The following GORASP1 variants were observed in gnomAD, a reference collection of about 807,000 sequenced individuals.
GORASP1 encodes the protein golgi reassembly stacking protein 1.
In GORASP1, 31 loss-of-function variants were observed where a neutral mutation model predicts 37.7. The ratio of observed to expected loss-of-function variants is 0.82; its 90% CI spans 0.62 to 1.11. The LOEUF is 1.11. Ranked by LOEUF, GORASP1 falls within the 50% of genes least tolerant of loss-of-function variation. The probability of loss-of-function intolerance (pLI) is 0.00; values close to 1 mark genes in which losing one functional copy is unlikely to be tolerated. For missense variants in GORASP1, 476 were observed against 560.7 expected, an observed-to-expected ratio of 0.85 and a Z score of 1.53; for synonymous variants, 204 against 224.8, an observed-to-expected ratio of 0.91 and a Z score of 0.83.
rs747264414 is a variant in GORASP1 at position 39,100,266 on chromosome 3, GT to G, written c.765+38del. 1.7e-5 allele frequency: 27 copies of G among 1,590,250 alleles called. No homozygotes were observed. Among genetic ancestry groups the G allele is most frequent in the Non-Finnish European group, 2.3e-5 (27 of 1,158,646 alleles). ...TGGCTCCCCAAGGGCAGCCTCTAGA[GT>G]TTTCTGTCTTCCCAGTTGGCAGATT... On this transcript the variant is annotated intron_variant, in intron 6 of 8. Transcript: ENST00000319283. The surrounding 1 kb of genome is among the most constrained non-coding windows in gnomAD (Gnocchi z 4.6).
chr3:39,107,057 C>G (rs923533033), intron 1 of GORASP1: 5 of 462,346 alleles, frequency 1.1e-5, no homozygotes, highest in Non-Finnish European at 2.2e-5. Context: ...CCCCGGCCCC[C>G]GGGACTGTCC....
chr3:39,099,388 T>G lies in GORASP1; in HGVS notation c.881A>C (p.Gln294Pro). The change falls in exon 7 of 9, where the codon CAG becomes CCG. Residue 294 changes from glutamine to proline, a missense_variant. Gln to Pro is a moderately conservative substitution (Grantham distance 76). Transcript: ENST00000319283. ...AACTCGCTGCACTGGAGGTGGGGGC[T>G]GAAGAGGAGTCTCCATGAAATGGGG... ...GLPHFMETPL[Q>P]PPPPVQRVMD... 3 of 1,613,550 alleles carry G rather than the reference T, an allele frequency of 1.9e-6. No individual in the cohort carries two copies. Among genetic ancestry groups the G allele is most frequent in the Non-Finnish European group, 2.5e-6 (3 of 1,179,808 alleles).
At chr3:39,106,835 C>T in intron 1 of GORASP1, 1 of 281,906 alleles carries the variant, frequency 3.5e-6, no homozygotes, top group Non-Finnish European at 7.3e-6. Flanking sequence ...GCCTGCTCGC[C>T]CAGACCTCCA....
chr3:39,107,594 C>T lies in GORASP1; in HGVS notation c.-53G>A, dbSNP rs2036298320. The T allele has an allele frequency of 1.4e-6, 2 of 1,454,198 alleles. No homozygotes were observed. Among genetic ancestry groups the T allele is most frequent in the Non-Finnish European group, 1.8e-6 (2 of 1,098,698 alleles). 90.1% of individuals were successfully genotyped at this position (1,454,198 alleles called of 1,614,324 possible). A position where few individuals can be genotyped will look rare whatever the true frequency, so the allele number is the denominator to read the frequency against. On this transcript the variant is annotated 5_prime_UTR_variant, in exon 1 of 9. Transcript: ENST00000319283. ...CCAGTCCCGCTGCGCCTACCCGGAC[C>T]GACCCGACGCCAGTAGCACCGACTC...
Position 39,102,500 on chromosome 3 carries a change from G to T in GORASP1, c.348+178C>A, listed in dbSNP as rs894523041. 15 of 650,708 alleles carry T rather than the reference G, an allele frequency of 2.3e-5. No homozygotes were observed. The Admixed American group carries it at 3.1e-4, about 13-fold the overall frequency. 40.3% of individuals were successfully genotyped at this position (650,708 alleles called of 1,614,324 possible). A position where few individuals can be genotyped will look rare whatever the true frequency, so the allele number is the denominator to read the frequency against. Reference sequence around the variant, plus strand: ...AGATACACTGTTCAGGTAGTAATGAGCTGCCCTCTCTGGGACACTGGAATG... The same window carrying T: ...AGATACACTGTTCAGGTAGTAATGATCTGCCCTCTCTGGGACACTGGAATG... On this transcript the variant is annotated intron_variant, in intron 3 of 8. Transcript: ENST00000319283. The surrounding 1 kb of genome is among the most constrained non-coding windows in gnomAD (Gnocchi z 5.0).
At chr3:39,101,474 AAAAT>A (rs752505735) in intron 3 of GORASP1, 39 of 478,164 alleles carry the variant, frequency 8.2e-5, no homozygotes, top group South Asian at 1.6e-4. Flanking sequence ...GTTGCTGAGA[AAAAT>A]AAATAAATAT....
At chr3:39,101,346 C>G in intron 3 of GORASP1, 7 of 600,394 alleles carry the variant, frequency 1.2e-5, no homozygotes, top group Non-Finnish European at 3.0e-6. Flanking sequence ...GAATCTGACC[C>G]CGGGCTCAAC....
intron 1 of GORASP1, 47 bp downstream of exon 1, chr3:39,107,432 G>T: frequency 1.6e-6 from 2 of 1,235,252 alleles, no homozygotes; most frequent in Non-Finnish European, 1.0e-6. Flanking sequence ...CGGGCGCGGG[G>T]TTGCGGGCGC....
Position 39,098,632 on chromosome 3 carries a change from G to C in GORASP1, c.1069+109C>G. 1.3e-6 allele frequency: 2 copies of C among 1,505,642 alleles called. No individual in the cohort carries two copies. Among genetic ancestry groups the C allele is most frequent in the Non-Finnish European group, 1.8e-6 (2 of 1,111,410 alleles). 93.3% of individuals were successfully genotyped at this position (1,505,642 alleles called of 1,614,324 possible). On this transcript the variant is annotated intron_variant, in intron 8 of 8. Transcript: ENST00000319283. This position sits in a 1 kb window ranked among gnomAD's most constrained non-coding sequence, Gnocchi z 4.7. Reference sequence around the variant, plus strand: ...ATGGAGTGTACAAATGCCTTGGTGTGGCTGTATCAACCCGATGGCCCACTT... The same window carrying C: ...ATGGAGTGTACAAATGCCTTGGTGTCGCTGTATCAACCCGATGGCCCACTT...
chr3:39,102,492 AG>A lies in GORASP1; in HGVS notation c.348+185del. The A allele has an allele frequency of 3.2e-6, 2 of 633,980 alleles. No homozygotes were observed. The highest frequency in any genetic ancestry group is 5.7e-6 in the Non-Finnish European group (2 of 353,096). 39.3% of individuals were successfully genotyped at this position (633,980 alleles called of 1,614,324 possible). ...AGGAAGCAAGATACACTGTTCAGGT[AG>A]TAATGAGCTGCCCTCTCTGGGACAC... On this transcript the variant is annotated intron_variant, in intron 3 of 8. Coordinates refer to ENST00000319283, the MANE Select transcript of GORASP1 (RefSeq NM_031899.4). The surrounding 1 kb of genome is among the most constrained non-coding windows in gnomAD (Gnocchi z 5.0).
rs528927998 is a variant in GORASP1, at chr3:39,100,860, C to G, written c.453G>C (p.Thr151=). 2 of 1,614,146 alleles carry G rather than the reference C, an allele frequency of 1.2e-6. No individual in the cohort carries two copies. The highest frequency in any genetic ancestry group is 2.2e-5 in the East Asian group (1 of 44,868). The change falls in exon 5 of 9, where the codon ACG becomes ACC. Residue 151 remains threonine (T), a synonymous_variant. Coordinates refer to ENST00000319283, the MANE Select transcript of GORASP1 (RefSeq NM_031899.4). The surrounding 1 kb of genome is among the most constrained non-coding windows in gnomAD (Gnocchi z 4.6). ...GCTTCCCCTCATGAGACTCGATGAG[C>G]GTAAAGAAGTCCTCGGACTGTGAGA... is the stretch of plus-strand genomic sequence containing the variant. ...QILQESEDFF[T]LIESHEGKPL...
rs1224612790 is a variant in GORASP1, at chr3:39,100,121, C to T, written c.765+184G>A. Among the ~76,000 whole-genome samples the T allele has an allele frequency of 6.6e-6, 1 of 152,252 alleles. No individual in the cohort carries two copies. The highest frequency in any genetic ancestry group is 1.9e-4 in the East Asian group (1 of 5,206). On this transcript the variant is annotated intron_variant, in intron 6 of 8. Transcript: ENST00000319283. The surrounding 1 kb of genome is among the most constrained non-coding windows in gnomAD (Gnocchi z 4.6). ...TCACCTCCACCCTCACTTCTAGACC[C>T]AAGGGGCAGGAAAGCCAAAAGTGAG...
At chr3:39,101,716 G>A (rs979279425) in intron 3 of GORASP1, 2 of 364,514 alleles carry the variant, frequency 5.5e-6, no homozygotes, top group African/African-American at 2.1e-5. Flanking sequence ...TCCCTCATGG[G>A]CAGATTAAGG....
In GORASP1 at chr3:39,098,179, C is replaced by G; in HGVS notation, c.*57G>C. 1 of 1,579,910 alleles carries G rather than the reference C, an allele frequency of 6.3e-7. No homozygotes were observed. The highest frequency in any genetic ancestry group is 8.6e-7 in the Non-Finnish European group (1 of 1,161,776). On this transcript the variant is annotated 3_prime_UTR_variant, in exon 9 of 9. Coordinates refer to ENST00000319283, the MANE Select transcript of GORASP1 (RefSeq NM_031899.4). This position sits in a 1 kb window ranked among gnomAD's most constrained non-coding sequence, Gnocchi z 4.7. The stretch of plus-strand genomic sequence containing the variant: ...GACCGCATAGTGCAGCCCGGGCTGC[C>G]TGCCCACATCTGGGCCTCATGAAAT...
rs1207378101 is a variant in GORASP1 at position 39,098,317 on chromosome 3, T to C, written c.1242A>G (p.Glu414=). 1.2e-6 allele frequency: 2 copies of C among 1,614,182 alleles called. No individual in the cohort carries two copies. Among genetic ancestry groups the C allele is most frequent in the South Asian group, 1.1e-5 (1 of 91,088 alleles). The stretch of plus-strand genomic sequence containing the variant: ...TATCTAGGCCCTCTGTGCTTGCTGG[T>C]TCCTCCTCAGCCTGAGCTTCAAGCA... The part of the protein sequence containing the change: ...AELLEAQAEE[E]PASTEGLDTG... The change falls in exon 9 of 9, where the codon GAA becomes GAG. Residue 414 remains glutamate, a synonymous_variant. Transcript: ENST00000319283. This position sits in a 1 kb window ranked among gnomAD's most constrained non-coding sequence, Gnocchi z 4.7.
rs147772952 is a variant in GORASP1, at chr3:39,097,588, T to C, written c.*648A>G. 6.7e-6 allele frequency: 1 copy of C among 148,868 alleles called. No homozygotes were observed. Among genetic ancestry groups the C allele is most frequent in the East Asian group, 1.9e-4 (1 of 5,180 alleles). 9.2% of individuals were successfully genotyped at this position (148,868 alleles called of 1,614,324 possible). On this transcript the variant is annotated 3_prime_UTR_variant, in exon 9 of 9. Transcript: ENST00000319283. Reference sequence around the variant, plus strand: ...TTGTATATTTAGAAGAGATCACTGTTTAAGTTTGGGAGCTAACAGGAGTTG... The same window carrying C: ...TTGTATATTTAGAAGAGATCACTGTCTAAGTTTGGGAGCTAACAGGAGTTG...
rs376001538 is a variant in GORASP1 at position 39,098,328 on chromosome 3, C to T, written c.1231G>A (p.Ala411Thr). 6.4e-5 allele frequency: 104 copies of T among 1,614,124 alleles called. No individual in the cohort carries two copies. The highest frequency in any genetic ancestry group is 8.5e-5 in the Non-Finnish European group (100 of 1,180,052). The part of the protein sequence containing the change: ...GLSAELLEAQ[A>T]EEEPASTEGL... ...TCTGTGCTTGCTGGTTCCTCCTCAG[C>T]CTGAGCTTCAAGCAGCTCGGCGGAC... is the stretch of plus-strand genomic sequence containing the variant. The change falls in exon 9 of 9, where the codon GCT (alanine) becomes ACT (threonine). Residue 411 changes from alanine (A) to threonine (T), a missense_variant. Transcript: ENST00000319283. This position sits in a 1 kb window ranked among gnomAD's most constrained non-coding sequence, Gnocchi z 4.7.
intron 3 of GORASP1, among the ~76,000 whole-genome samples, chr3:39,101,972 A>G (rs931640723): frequency 6.6e-5 from 10 of 152,236 alleles, no homozygotes; most frequent in Admixed American, 4.6e-4. Flanking sequence ...GATTAATCAT[A>G]TAAGAATATA....
rs901568636 is a variant in GORASP1, at chr3:39,097,139, TTG to T, written c.*1095_*1096del. 5 of 152,252 alleles carry T rather than the reference TTG, an allele frequency of 3.3e-5. No individual in the cohort carries two copies. The highest frequency in any genetic ancestry group is 1.2e-4 in the African/African-American group (5 of 41,448). 9.4% of individuals were successfully genotyped at this position (152,252 alleles called of 1,614,324 possible). A position where few individuals can be genotyped will look rare whatever the true frequency, so the allele number is the denominator to read the frequency against. ...CCTTGTCCTGCATACCTGACACAGC[TTG>T]TGAGTTCCCTGCATGTACACCAGCA... On this transcript the variant is annotated 3_prime_UTR_variant, in exon 9 of 9. Transcript: ENST00000319283.
Sources: allele counts gnomAD v4.1 joint callset (sites outside exome capture counted in the v4.1 genomes callset), GRCh38; gene constraint gnomAD v4.1.1; non-coding constraint Gnocchi (gnomAD v3.1); transcripts MANE v1.5; gene names NCBI Gene and HGNC (gene_info 2026-07-23, HGNC 2026-07-21).